INTS14: variants seen among roughly 807,000 people sequenced by gnomAD.
The protein encoded by INTS14 is UPF0464 protein C15orf44.
A neutral mutation model predicts 56.9 loss-of-function variants in INTS14; 27 were observed. The observed-to-expected ratio is 0.47, with a 90% CI of 0.35 to 0.65. The LOEUF is 0.65. Among genes scored for constraint, INTS14 ranks in the 30% least tolerant of loss-of-function variants. The pLI is 0.00. For synonymous variants in INTS14, 207 were observed against 236.2 expected (o/e 0.88, Z 1.13); for missense variants, 517 against 632.2 (o/e 0.82, Z 1.95).
chr15:65,593,007 G>C (rs2073082721), intron 8 of INTS14, among the ~76,000 whole-genome samples: 1 of 151,870 alleles, frequency 6.6e-6, no homozygotes, highest in Admixed American at 6.6e-5. Flanking sequence ...CGTAATCCCA[G>C]CATTTTGGGA....
chr15:65,585,583 A>T (rs2072788544), intron 9 of INTS14, among the ~76,000 whole-genome samples: 3 of 152,198 alleles, frequency 2.0e-5, no homozygotes, highest in African/African-American at 7.2e-5. Flanking sequence ...TTATAGCTAC[A>T]TGAACAAACA....
intron 9 of INTS14, among the ~76,000 whole-genome samples, chr15:65,587,518 T>C (rs894457298): frequency 2.0e-5 from 3 of 152,136 alleles, no homozygotes; most frequent in Non-Finnish European, 4.4e-5. Context: ...TAAATAACAT[T>C]TACATCATGT....
chr15:65,580,788 T>A (rs1266496648), intron 11 of INTS14, among the ~76,000 whole-genome samples: 2 of 152,174 alleles, frequency 1.3e-5, no homozygotes, highest in African/African-American at 4.8e-5. Flanking sequence ...TAGGGGAGAA[T>A]CAAGGAGCAA....
At chr15:65,597,111 T>C (rs1194908893) in intron 6 of INTS14, among the ~76,000 whole-genome samples, 2 of 152,212 alleles carry the variant, frequency 1.3e-5, no homozygotes, top group Admixed American at 6.5e-5. Flanking sequence ...CTAACTGTTA[T>C]GAAGGCAACA....
Position 65,579,223 on chromosome 15 carries a change from AC to A in INTS14, c.*184del. On this transcript the variant is annotated 3_prime_UTR_variant, in exon 12 of 12. Transcript: ENST00000313182. Reference sequence around the variant, plus strand: ...ATGAATCCCAGGAAGTTAAAGCCCAACCAGCCAACCACCTTCACATCCTTCT... The same window carrying A: ...ATGAATCCCAGGAAGTTAAAGCCCAACAGCCAACCACCTTCACATCCTTCT... The A allele has an allele frequency of 1.3e-6, 1 of 793,808 alleles. No homozygotes were observed. Among genetic ancestry groups the A allele is most frequent in the Admixed American group, 3.1e-5 (1 of 31,896 alleles). The allele number at this position is 793,808 out of a possible 1,614,324, so 49.2% of individuals were successfully genotyped here. A position where few individuals can be genotyped will look rare whatever the true frequency, so the allele number is the denominator to read the frequency against.
At chr15:65,584,493 A>T (rs2072744928) in intron 10 of INTS14, among the ~76,000 whole-genome samples, 1 of 152,212 alleles carries the variant, frequency 6.6e-6, no homozygotes, top group Non-Finnish European at 1.5e-5. Context: ...CAAAACACTC[A>T]CATAAAGTTA....
chr15:65,592,301 T>C (rs1184441221), intron 8 of INTS14, among the ~76,000 whole-genome samples: 1 of 152,244 alleles, frequency 6.6e-6, no homozygotes, highest in East Asian at 1.9e-4. Flanking sequence ...GTAGCAGAAA[T>C]GGAGCCATGC....
At chr15:65,591,228 A>G (rs1428753264) in intron 9 of INTS14, among the ~76,000 whole-genome samples, 1 of 152,218 alleles carries the variant, frequency 6.6e-6, no homozygotes, top group East Asian at 1.9e-4. Flanking sequence ...ACCAGAAGCA[A>G]TGTCAGGAAA....
At chr15:65,610,748 T>A in intron 1 of INTS14, 1 of 1,535,702 alleles carries the variant, frequency 6.5e-7, no homozygotes, top group African/African-American at 1.4e-5. Flanking sequence ...TATAATTTCA[T>A]CTCTAAAAGT....
At chr15:65,606,977 A>G (rs2073677108) in intron 2 of INTS14, among the ~76,000 whole-genome samples, 182 bp downstream of exon 2, 1 of 152,218 alleles carries the variant, frequency 6.6e-6, no homozygotes. Context: ...TCATAGCTGT[A>G]CCGAAGAAAC....
chr15:65,607,581 T>C (rs1291532980), intron 1 of INTS14, 139 bp from the exon 2 acceptor site: 2 of 988,356 alleles, frequency 2.0e-6, no homozygotes, highest in African/African-American at 3.3e-5. Context: ...GAGAACTCAG[T>C]GAGAGGGAAG....
At chr15:65,599,729 G>A (rs756285642) in intron 4 of INTS14, 45 bp downstream of exon 4, 57 of 1,598,112 alleles carry the variant, frequency 3.6e-5, no homozygotes, top group African/African-American at 8.1e-5. Flanking sequence ...AAACTAAGCT[G>A]TAAAATATGC....
chr15:65,596,592 T>C (rs2073219815), intron 6 of INTS14, among the ~76,000 whole-genome samples: 2 of 152,174 alleles, frequency 1.3e-5, no homozygotes, highest in South Asian at 4.1e-4. Context: ...TTTTTTGAGA[T>C]GGAGTTTCGC....
intron 10 of INTS14, among the ~76,000 whole-genome samples, chr15:65,583,141 AGT>A (rs1214923519): frequency 6.6e-6 from 1 of 152,206 alleles, no homozygotes; most frequent in Non-Finnish European, 1.5e-5. Context: ...TTCCTCAGTA[AGT>A]TAAAGAGAAT....
chr15:65,598,826 A>G (rs767441322), intron 5 of INTS14, 46 bp downstream of exon 5: 1 of 1,407,114 alleles, frequency 7.1e-7, no homozygotes, highest in African/African-American at 1.4e-5. Context: ...TCAAATTATA[A>G]TACTGGATTG....
At chr15:65,610,863 T>C (rs979719818) in intron 1 of INTS14, 4 of 1,516,234 alleles carry the variant, frequency 2.6e-6, no homozygotes, top group Non-Finnish European at 3.5e-6. Context: ...AGAGGGGAGC[T>C]GAGCAGAGGG....
chr15:65,599,934 T>A lies in INTS14; in HGVS notation c.331-5A>T. ...GCCGTCTGTCACCAGGACAACCTGT[T>A]TGTAAAAAGAGAGAGAGGAGGTTGT... On this transcript the variant is annotated splice_polypyrimidine_tract_variant and splice_region_variant and intron_variant, in intron 3 of 11. Transcript: ENST00000313182. The A allele has an allele frequency of 6.2e-7, 1 of 1,609,522 alleles. No individual in the cohort carries two copies.
intron 10 of INTS14, 103 bp from the exon 11 acceptor site, chr15:65,582,122 A>C: frequency 1.0e-6 from 1 of 986,746 alleles, no homozygotes; most frequent in South Asian, 1.7e-5. Context: ...GAAAATGAGA[A>C]CACAGCTACA....
Position 65,598,811 on chromosome 15 carries a change from G to A in INTS14, c.605+61C>T, listed in dbSNP as rs1053860551. ...GAACAGTAAAACAGATAGTCTTCCT[G>A]GATGTCAAATTATAATACTGGATTG... On this transcript the variant is annotated intron_variant, in intron 5 of 11. Coordinates refer to ENST00000313182, the MANE Select transcript of INTS14 (RefSeq NM_001394796.1). 4 of 1,283,064 alleles carry A rather than the reference G, an allele frequency of 3.1e-6. No individual in the cohort carries two copies. The Admixed American group carries it at 8.3e-5, about 27-fold the overall frequency. The allele number at this position is 1,283,064 out of a possible 1,614,324, so 79.5% of individuals were successfully genotyped here.
Sources: allele counts gnomAD v4.1 joint callset (sites outside exome capture counted in the v4.1 genomes callset), GRCh38; gene constraint gnomAD v4.1.1; transcripts MANE v1.5; gene names NCBI Gene and HGNC (gene_info 2026-07-23, HGNC 2026-07-21).